GRM1: variants seen among roughly 807,000 people sequenced by gnomAD.
GRM1 encodes the protein glutamate metabotropic receptor 1.
A neutral mutation model predicts 90.9 loss-of-function variants in GRM1; 33 were observed. The ratio of observed to expected loss-of-function variants is 0.36; its 90% CI spans 0.28 to 0.49. The LOEUF (loss-of-function observed/expected upper bound fraction) is 0.49, where lower values mean the gene tolerates loss of function less well. GRM1 is among the 20% of genes least tolerant of loss of function. The pLI, the probability that GRM1 is intolerant of heterozygous loss-of-function variation, is 0.99. For synonymous variants in GRM1, 700 were observed against 613.2 expected (o/e 1.14, Z -2.09); for missense variants, 1,190 against 1,534.3 (o/e 0.78, Z 3.75).
At position 146,066,766 on chromosome 6, in the gene GRM1, C is replaced by CAGAG. The variant is rs560090955; in HGVS notation, c.700+36575_700+36578dup. ...TTTTACATAATAATAGACAGACAGG[C>CAGAG]AGAGAGAGAGAGAGAGAGAGAGAGA... On this transcript the variant is annotated intron_variant, in intron 1 of 7. Transcript: ENST00000282753. 9.7e-3 allele frequency among the ~76,000 whole-genome samples: 584 copies of CAGAG among 60,156 alleles called. 1 individual carries two copies. Among genetic ancestry groups the CAGAG allele is most frequent in the African/African-American group, 0.02 (418 of 20,840 alleles). 39.5% of individuals were successfully genotyped at this position (60,156 alleles called of 152,430 possible).
At chr6:146,330,260 G>A (rs901718129) in intron 3 of GRM1, among the ~76,000 whole-genome samples, 1 of 152,098 alleles carries the variant, frequency 6.6e-6, no homozygotes, top group Admixed American at 6.5e-5. Flanking sequence ...ATGGATTTTT[G>A]TTGGTTGTCT....
chr6:146,300,599 T>C (rs1783342081), intron 2 of GRM1, among the ~76,000 whole-genome samples: 1 of 152,216 alleles, frequency 6.6e-6, no homozygotes, highest in Non-Finnish European at 1.5e-5. Context: ...GTTCACAATA[T>C]ATAGTTTTAT....
intron 2 of GRM1, among the ~76,000 whole-genome samples, chr6:146,199,992 G>A (rs1304345313): frequency 1.3e-5 from 2 of 152,194 alleles, no homozygotes; most frequent in African/African-American, 4.8e-5. Flanking sequence ...CTAGGGAAGA[G>A]TGTACTACAT....
chr6:146,143,099 A>G (rs541341626), intron 1 of GRM1, among the ~76,000 whole-genome samples: 44 of 152,270 alleles, frequency 2.9e-4, no homozygotes, highest in African/African-American at 1.1e-3. Context: ...AGAGCTCTTT[A>G]GTCAGCAGAT....
chr6:146,236,050 A>G (rs1323453270), intron 2 of GRM1, among the ~76,000 whole-genome samples: 2 of 152,098 alleles, frequency 1.3e-5, no homozygotes, highest in Admixed American at 1.3e-4. Context: ...GTTTTTAGGC[A>G]GGCCTTTATT....
intron 1 of GRM1, among the ~76,000 whole-genome samples, chr6:146,050,838 G>A (rs551640835): frequency 3.7e-4 from 56 of 152,078 alleles, no homozygotes; most frequent in African/African-American, 1.3e-3. Context: ...AAGGAATTCC[G>A]GTATTAGGCT....
chr6:146,351,235 C>T (rs151188858), intron 3 of GRM1, among the ~76,000 whole-genome samples: 1 of 152,278 alleles, frequency 6.6e-6, no homozygotes, highest in African/African-American at 2.4e-5. Flanking sequence ...AGCTAAATTG[C>T]TGACTTTCCC....
At chr6:146,074,431 G>C (rs959742169) in intron 1 of GRM1, among the ~76,000 whole-genome samples, 3 of 152,084 alleles carry the variant, frequency 2.0e-5, no homozygotes, top group African/African-American at 7.2e-5. Context: ...AGAACTCACA[G>C]GGTTATTGAG....
At chr6:146,250,373 C>G (rs1781227607) in intron 2 of GRM1, among the ~76,000 whole-genome samples, 1 of 152,244 alleles carries the variant, frequency 6.6e-6, no homozygotes, top group African/African-American at 2.4e-5. Flanking sequence ...GGGAGGTGAC[C>G]AGATCATGGG....
chr6:146,140,089 T>TCTTTC (rs1412796494), intron 1 of GRM1, among the ~76,000 whole-genome samples: 1 of 64,168 alleles, frequency 1.6e-5, no homozygotes. Flanking sequence ...TTTCTTTCTT[T>TCTTTC]ATTCTTTCTT....
chr6:146,425,869 G>C (rs933314007), intron 7 of GRM1, among the ~76,000 whole-genome samples: 4 of 152,198 alleles, frequency 2.6e-5, no homozygotes, highest in African/African-American at 9.7e-5. Flanking sequence ...ACCCCTGGCT[G>C]CCCATCAGCC....
At chr6:146,159,256 T>C in intron 1 of GRM1, 92 bp from the exon 2 acceptor site, 1 of 1,499,044 alleles carries the variant, frequency 6.7e-7, no homozygotes, top group African/African-American at 1.4e-5. Flanking sequence ...GTCCGTTCTC[T>C]CCATTCCTGT....
rs772837058 is a variant in GRM1 at position 146,398,815 on chromosome 6, A to G, written c.1776A>G (p.Glu592=). The G allele has an allele frequency of 1.9e-6, 3 of 1,613,844 alleles. No homozygotes were observed. Among genetic ancestry groups the G allele is most frequent in the Non-Finnish European group, 2.5e-6 (3 of 1,179,814 alleles). ...PVRYLEWSNI[E]SIIAIAFSCL... is the part of the protein sequence containing the mutation. ...GCTATCTTGAGTGGAGCAACATCGA[A>G]TCCATTATAGCCATCGCCTTTTCAT... Residue 592 remains glutamate, a synonymous_variant, in exon 7 of 8, where the codon GAA becomes GAG. Coordinates refer to ENST00000282753, the MANE Select transcript of GRM1 (RefSeq NM_001278064.2).
At chr6:146,320,258 G>T (rs1412623629) in intron 3 of GRM1, among the ~76,000 whole-genome samples, 1 of 152,112 alleles carries the variant, frequency 6.6e-6, no homozygotes, top group African/African-American at 2.4e-5. Flanking sequence ...TTCTGTGATG[G>T]ATTACGTTTA....
At chr6:146,324,205 C>A (rs1233132151) in intron 3 of GRM1, among the ~76,000 whole-genome samples, 1 of 152,096 alleles carries the variant, frequency 6.6e-6, no homozygotes, top group East Asian at 1.9e-4. Flanking sequence ...AGGGGAAAAC[C>A]ACCTACTGAA....
rs963567415 is a variant in GRM1, at chr6:146,316,091, GA to G, written c.1186+11246del. On this transcript the variant is annotated intron_variant, in intron 3 of 7. Coordinates refer to ENST00000282753, the MANE Select transcript of GRM1 (RefSeq NM_001278064.2). Reference sequence around the variant, plus strand: ...GACGTAACCTCTAAGACCCTGACAAGAGTCTCCCTGGGGTAACATTAGAGGG... The same window carrying G: ...GACGTAACCTCTAAGACCCTGACAAGGTCTCCCTGGGGTAACATTAGAGGG... Among the ~76,000 whole-genome samples, 3 of 152,156 alleles carry G rather than the reference GA, an allele frequency of 2.0e-5. No individual in the cohort carries two copies. The East Asian group carries it at 5.8e-4, about 29-fold the overall frequency.
chr6:146,240,347 A>C (rs1168224805), intron 2 of GRM1, among the ~76,000 whole-genome samples: 1 of 151,866 alleles, frequency 6.6e-6, no homozygotes, highest in Non-Finnish European at 1.5e-5. Flanking sequence ...CTCTTTTCAA[A>C]GGTGTGGAGA....
intron 1 of GRM1, among the ~76,000 whole-genome samples, chr6:146,088,555 A>G (rs1295165174): frequency 1.3e-5 from 2 of 152,120 alleles, no homozygotes; most frequent in Non-Finnish European, 2.9e-5. Context: ...AAAGATGCTA[A>G]TGGAAATTCC....
chr6:146,085,852 T>G (rs1776524721), intron 1 of GRM1, among the ~76,000 whole-genome samples: 1 of 152,162 alleles, frequency 6.6e-6, no homozygotes, highest in Non-Finnish European at 1.5e-5. Context: ...GAATTAGGAC[T>G]TGAGTTTTTT....
Sources: allele counts gnomAD v4.1 joint callset (sites outside exome capture counted in the v4.1 genomes callset), GRCh38; gene constraint gnomAD v4.1.1; transcripts MANE v1.5; gene names NCBI Gene and HGNC (gene_info 2026-07-23, HGNC 2026-07-21).